The following FBXO36 variants were observed in gnomAD, a reference collection of about 807,000 sequenced individuals.
FBXO36 encodes F-box only protein 36.
Under a neutral mutation model 17.0 loss-of-function variants are expected in FBXO36, and 18 were observed. That is an observed-to-expected ratio of 1.06 (90% CI 0.73 to 1.57). The LOEUF (loss-of-function observed/expected upper bound fraction) is 1.57. Ranked by LOEUF, FBXO36 falls within the 40% of genes most tolerant of loss-of-function variation. FBXO36 has a pLI of 0.00. For synonymous variants in FBXO36, 83 were observed against 85.3 expected (o/e 0.97, Z 0.15); for missense variants, 229 against 221.9 (o/e 1.03, Z -0.20).
intron 1 of FBXO36, chr2:229,932,922 C>A: frequency 3.3e-6 from 1 of 306,896 alleles, no homozygotes. Flanking sequence ...TAAAAATTAG[C>A]CGGGCGTGGT....
At chr2:229,999,616 G>A (rs567987218) in intron 3 of FBXO36, among the ~76,000 whole-genome samples, 70 of 151,210 alleles carry the variant, frequency 4.6e-4, no homozygotes, top group African/African-American at 1.7e-3. Context: ...GGGCTCAAAT[G>A]ATCCTCCCAC....
At chr2:229,970,649 G>A (rs761097518) in intron 1 of FBXO36, among the ~76,000 whole-genome samples, 4 of 152,134 alleles carry the variant, frequency 2.6e-5, no homozygotes, top group Non-Finnish European at 5.9e-5. Context: ...ACAATATTCC[G>A]TGTGAAACAC....
chr2:229,936,252 T>G (rs1297331820), intron 1 of FBXO36, among the ~76,000 whole-genome samples: 2 of 152,148 alleles, frequency 1.3e-5, no homozygotes, highest in Non-Finnish European at 2.9e-5. Context: ...CACCTTCCTG[T>G]CTCTCCCCAT....
chr2:229,970,413 C>G (rs900985712), intron 1 of FBXO36, among the ~76,000 whole-genome samples: 1 of 152,110 alleles, frequency 6.6e-6, no homozygotes, highest in Non-Finnish European at 1.5e-5. Flanking sequence ...AACTCAGAAA[C>G]CTGAGCATCA....
At chr2:229,924,823 C>T (rs2076898825) in intron 1 of FBXO36, among the ~76,000 whole-genome samples, 1 of 151,858 alleles carries the variant, frequency 6.6e-6, no homozygotes, top group East Asian at 1.9e-4. Flanking sequence ...GGCTGGAGTG[C>T]AGTGGCTCAA....
chr2:229,970,663 A>G (rs1159566739), intron 1 of FBXO36, among the ~76,000 whole-genome samples: 1 of 152,210 alleles, frequency 6.6e-6, no homozygotes, highest in East Asian at 1.9e-4. Context: ...GAAACACTGC[A>G]GACATTCATT....
intron 1 of FBXO36, among the ~76,000 whole-genome samples, chr2:229,950,653 T>C (rs2077052680): frequency 6.6e-6 from 1 of 151,834 alleles, no homozygotes; most frequent in African/African-American, 2.4e-5. Flanking sequence ...GAGCTCCCAC[T>C]GAGCAATGGC....
At chr2:229,927,815 A>G (rs1011219732) in intron 1 of FBXO36, among the ~76,000 whole-genome samples, 1 of 152,040 alleles carries the variant, frequency 6.6e-6, no homozygotes, top group Non-Finnish European at 1.5e-5. Context: ...TTTGAAGTGC[A>G]TTAGAGTTGT....
At position 229,971,991 on chromosome 2, in the gene FBXO36, C is replaced by CTTT. The variant is rs918029152; in HGVS notation, c.97-4231_97-4229dup. 1.8e-3 allele frequency among the ~76,000 whole-genome samples: 186 copies of CTTT among 104,024 alleles called. 1 individual carries two copies. The highest frequency in any genetic ancestry group is 6.4e-3 in the African/African-American group (168 of 26,420). The allele number at this position is 104,024 out of a possible 152,430, so 68.2% of individuals were successfully genotyped here. ...CTGCACCTGGCCCAAGTATCCAATTCTTTTTTTTTTTTTTTTTTTTTGAGA... is the reference window on the plus strand; with the variant it reads ...CTGCACCTGGCCCAAGTATCCAATTCTTTTTTTTTTTTTTTTTTTTTTTTGAGA... On this transcript the variant is annotated intron_variant, in intron 1 of 3. Coordinates refer to ENST00000283946, the MANE Select transcript of FBXO36 (RefSeq NM_174899.5).
chr2:230,001,146 A>G (rs1283601978), intron 3 of FBXO36, among the ~76,000 whole-genome samples: 1 of 152,192 alleles, frequency 6.6e-6, no homozygotes, highest in Non-Finnish European at 1.5e-5. Flanking sequence ...GGCGTGAGCC[A>G]CTGCACCCAG....
chr2:229,996,624 G>A (rs1461096778), intron 2 of FBXO36, 127 bp from the exon 3 acceptor site: 2 of 1,023,430 alleles, frequency 2.0e-6, no homozygotes, highest in East Asian at 2.5e-5. Context: ...GTGAAAGTAG[G>A]AATGACTTAG....
chr2:229,957,033 G>A (rs1482821132), intron 1 of FBXO36, among the ~76,000 whole-genome samples: 1 of 152,152 alleles, frequency 6.6e-6, no homozygotes, highest in Non-Finnish European at 1.5e-5. Flanking sequence ...GTATTTGGGA[G>A]GGACACAGTT....
At chr2:229,939,680 C>T (rs567550093) in intron 1 of FBXO36, among the ~76,000 whole-genome samples, 1 of 152,268 alleles carries the variant, frequency 6.6e-6, no homozygotes, top group South Asian at 2.1e-4. Flanking sequence ...CCTTTAAAGC[C>T]TCTGCTCCCC....
intron 3 of FBXO36, among the ~76,000 whole-genome samples, chr2:229,997,133 C>T (rs567324905): frequency 4.6e-5 from 7 of 151,798 alleles, no homozygotes; most frequent in African/African-American, 7.3e-5. Flanking sequence ...TATAATACAG[C>T]GTGATCAGTT....
intron 1 of FBXO36, among the ~76,000 whole-genome samples, chr2:229,924,394 G>A (rs1020018904): frequency 6.6e-5 from 10 of 152,070 alleles, no homozygotes; most frequent in African/African-American, 2.4e-4. Flanking sequence ...AGCCTGGCTG[G>A]CTTTAAGATT....
chr2:229,932,064 C>T (rs2076941283), intron 1 of FBXO36, among the ~76,000 whole-genome samples: 1 of 151,848 alleles, frequency 6.6e-6, no homozygotes, highest in African/African-American at 2.4e-5. Context: ...GACTACAGGC[C>T]CGTTCCACCA....
At chr2:229,994,297 C>G (rs1195219824) in intron 2 of FBXO36, among the ~76,000 whole-genome samples, 3 of 152,078 alleles carry the variant, frequency 2.0e-5, no homozygotes, top group Non-Finnish European at 4.4e-5. Context: ...TCCTCACCCC[C>G]CAAGAAGGCC....
chr2:229,932,304 T>TAA (rs957144321), intron 1 of FBXO36, among the ~76,000 whole-genome samples: 1 of 151,280 alleles, frequency 6.6e-6, no homozygotes, highest in Non-Finnish European at 1.5e-5. Flanking sequence ...ATGGATCACC[T>TAA]AAGGTCAGGA....
At chr2:229,942,897 C>T (rs994471351) in intron 1 of FBXO36, 1 of 152,258 alleles carries the variant, frequency 6.6e-6, no homozygotes, top group African/African-American at 2.4e-5. Flanking sequence ...TACCACCCGC[C>T]TCTGTCCATC....
Sources: allele counts gnomAD v4.1 joint callset (sites outside exome capture counted in the v4.1 genomes callset), GRCh38; gene constraint gnomAD v4.1.1; transcripts MANE v1.5; gene names NCBI Gene and HGNC (gene_info 2026-07-23, HGNC 2026-07-21).